PON1: variants seen among roughly 807,000 people sequenced by gnomAD.
The protein encoded by PON1 is paraoxonase 1.
In PON1, 37 loss-of-function variants were observed where a neutral mutation model predicts 39.2. The ratio of observed to expected loss-of-function variants is 0.94; its 90% confidence interval spans 0.73 to 1.24. PON1 has a LOEUF of 1.24. Ranked by LOEUF, PON1 falls within the 50% of genes most tolerant of loss-of-function variation. The pLI, the probability that PON1 is intolerant of heterozygous loss-of-function variation, is 0.00. For missense variants in PON1, 397 were observed against 413.5 expected (o/e 0.96, Z 0.35); for synonymous variants, 148 against 152.2 (o/e 0.97, Z 0.21).
intron 3 of PON1, among the ~76,000 whole-genome samples, chr7:95,316,090 G>A (rs535778582): frequency 2.6e-5 from 4 of 152,338 alleles, no homozygotes; most frequent in South Asian, 2.1e-4. Context: ...ACTGGACTAA[G>A]TAAATTACAA....
intron 8 of PON1, 45 bp downstream of exon 8, chr7:95,302,160 T>C: frequency 7.4e-7 from 1 of 1,358,628 alleles, no homozygotes; most frequent in Non-Finnish European, 1.0e-6. Context: ...GAAAAAACAG[T>C]AGCTGGGAAT....
At chr7:95,321,623 T>C (rs1053821048) in intron 1 of PON1, among the ~76,000 whole-genome samples, 6 of 152,236 alleles carry the variant, frequency 3.9e-5, no homozygotes, top group Admixed American at 1.3e-4. Context: ...CTGAGTAAAT[T>C]GCATGTGGTT....
At position 95,306,290 on chromosome 7, in the gene PON1, A is replaced by G. The variant is rs772932035; in HGVS notation, c.775T>C (p.Leu259=). Residue 259 remains leucine (L), a synonymous_variant, in exon 7 of 9, where the codon TTG becomes CTG. Coordinates refer to ENST00000222381, the MANE Select transcript of PON1 (RefSeq NM_000446.7). ...ACAGTGTTAATACGTCTTACCTTCA[A>G]TGGAGTTAAAGTCCAATTAGCATGC... ...EKHANWTLTP[L]KSLDFNTLVD... 6.2e-7 allele frequency: 1 copy of G among 1,604,712 alleles called. No individual in the cohort carries two copies.
intron 2 of PON1, among the ~76,000 whole-genome samples, chr7:95,317,326 GTTATAC>G (rs977275715): frequency 1.4e-4 from 22 of 152,054 alleles, no homozygotes; most frequent in African/African-American, 4.6e-4. Flanking sequence ...CTTCAAGTTA[GTTATAC>G]TTTAAGTACA....
intron 3 of PON1, 75 bp from the exon 4 acceptor site, chr7:95,315,565 A>T: frequency 6.8e-7 from 1 of 1,475,206 alleles, no homozygotes; most frequent in African/African-American, 1.4e-5. Flanking sequence ...TGCATGGCCC[A>T]TGGGTTCATG....
chr7:95,300,424 C>T (rs747503389), intron 8 of PON1, among the ~76,000 whole-genome samples: 19 of 152,136 alleles, frequency 1.2e-4, no homozygotes, highest in Non-Finnish European at 2.2e-4. Flanking sequence ...ATGTGGCAGA[C>T]GGTGAAGGCC....
In PON1 at chr7:95,316,767, C is replaced by T; in HGVS notation, c.168G>A (p.Glu56=). 1 of 1,613,550 alleles carries T rather than the reference C, an allele frequency of 6.2e-7. No individual in the cohort carries two copies. Among genetic ancestry groups the T allele is most frequent in the South Asian group, 1.1e-5 (1 of 91,066 alleles). ...KGIETGSEDL[E]ILPNGLAFIS... is the part of the protein sequence containing the mutation. ...TGAAAGCCAGTCCATTAGGCAGTAT[C>T]TCCAAGTCTTCAGAGCCAGTTTCTG... The change falls in exon 3 of 9, where the codon GAG becomes GAA. Residue 56 remains glutamate (E), a synonymous_variant. Coordinates refer to ENST00000222381, the MANE Select transcript of PON1 (RefSeq NM_000446.7).
intron 1 of PON1, 54 bp from the exon 2 acceptor site, chr7:95,318,447 A>C (rs2116323901): frequency 6.7e-7 from 1 of 1,499,196 alleles, no homozygotes; most frequent in South Asian, 1.1e-5. Flanking sequence ...AATTATAATA[A>C]GTTGCAAAGG....
At chr7:95,306,394 G>C (rs749119137) in intron 6 of PON1, 28 bp from the exon 7 acceptor site, 1 of 1,422,770 alleles carries the variant, frequency 7.0e-7, no homozygotes, top group Non-Finnish European at 9.9e-7. Context: ...CTACATCAAA[G>C]TACTAGAAGT....
At chr7:95,307,924 G>T in intron 6 of PON1, 87 bp downstream of exon 6, 1 of 1,250,496 alleles carries the variant, frequency 8.0e-7, no homozygotes, top group Non-Finnish European at 1.2e-6. Flanking sequence ...ATGTTAAAAT[G>T]TATCATATTA....
At chr7:95,323,803 G>C (rs996753461) in intron 1 of PON1, among the ~76,000 whole-genome samples, 1 of 152,262 alleles carries the variant, frequency 6.6e-6, no homozygotes, top group Non-Finnish European at 1.5e-5. Context: ...TGCCCAAATC[G>C]CATACTCATG....
intron 7 of PON1, among the ~76,000 whole-genome samples, chr7:95,305,615 G>A (rs768699822): frequency 2.0e-5 from 3 of 152,112 alleles, no homozygotes; most frequent in Admixed American, 1.3e-4. Flanking sequence ...AATACGTAGC[G>A]GGAGGGAGCA....
chr7:95,307,380 C>T (rs3917542), intron 6 of PON1, among the ~76,000 whole-genome samples: 42,157 of 151,956 alleles, frequency 0.28, 6,177 homozygotes, highest in East Asian at 0.51. Flanking sequence ...GCATATGTTA[C>T]GGACTCTAAA....
At chr7:95,317,955 C>T (rs1331836282) in intron 2 of PON1, among the ~76,000 whole-genome samples, 1 of 152,144 alleles carries the variant, frequency 6.6e-6, no homozygotes, top group East Asian at 1.9e-4. Context: ...AAAGTCCTGT[C>T]AGAGCCTTTC....
At chr7:95,301,173 T>C (rs1221082216) in intron 8 of PON1, among the ~76,000 whole-genome samples, 1 of 152,150 alleles carries the variant, frequency 6.6e-6, no homozygotes, top group East Asian at 1.9e-4. Flanking sequence ...AATGTGCAAA[T>C]ACCTATATTG....
intron 4 of PON1, 54 bp downstream of exon 4, chr7:95,315,268 T>C (rs1807738599): frequency 3.5e-6 from 5 of 1,445,594 alleles, no homozygotes; most frequent in Non-Finnish European, 3.9e-6. Context: ...GGCATGTTTT[T>C]CTGTTTTTGT....
Position 95,308,130 on chromosome 7 carries a change from G to C in PON1, c.579C>G (p.Ser193=). ...DHYFLDPYLQ[S]WEMYLGLAWS... is the part of the protein sequence containing the mutation. ...ACGCTAAACCCAAATACATCTCCCA[G>C]GATTGTAAGTAGGGGTCAAGAAAAT... Residue 193 remains serine, a synonymous_variant, in exon 6 of 9, where the codon TCC becomes TCG. Transcript: ENST00000222381. The C allele has an allele frequency of 6.2e-7, 1 of 1,614,020 alleles. No individual in the cohort carries two copies. Among genetic ancestry groups the C allele is most frequent in the African/African-American group, 1.3e-5 (1 of 75,004 alleles).
chr7:95,323,407 CTCTG>C (rs1807943188), intron 1 of PON1, among the ~76,000 whole-genome samples: 1 of 152,016 alleles, frequency 6.6e-6, no homozygotes, highest in Non-Finnish European at 1.5e-5. Flanking sequence ...TTTTTCTGCA[CTCTG>C]TAACTTAAAA....
intron 8 of PON1, among the ~76,000 whole-genome samples, chr7:95,300,920 G>T (rs1484745251): frequency 6.6e-6 from 1 of 151,838 alleles, no homozygotes; most frequent in Non-Finnish European, 1.5e-5. Flanking sequence ...GATCACAATT[G>T]TCCTGCAAAC....
Sources: gnomAD v4.1 joint callset for allele counts (sites outside exome capture counted in the v4.1 genomes callset) on GRCh38, gnomAD v4.1.1 for gene constraint, MANE v1.5 for transcripts, NCBI Gene and HGNC (gene_info 2026-07-23, HGNC 2026-07-21) for gene names.